The following UBE2QL1 variants were observed in gnomAD, a reference collection of about 807,000 sequenced individuals.
UBE2QL1 encodes ubiquitin conjugating enzyme E2 QL1, also known as ubiquitin-conjugating enzyme E2Q-like protein 1.
A neutral mutation model predicts 12.6 loss-of-function variants in UBE2QL1; 5 were observed. The ratio of observed to expected loss-of-function variants is 0.40; its 90% CI spans 0.21 to 0.83. The LOEUF (loss-of-function observed/expected upper bound fraction) is 0.83, where lower values mean the gene tolerates loss of function less well. UBE2QL1 is among the 40% of genes least tolerant of loss of function. The pLI, the probability that UBE2QL1 is intolerant of heterozygous loss-of-function variation, is 0.37. For synonymous variants in UBE2QL1, 96 were observed against 94.5 expected, an observed-to-expected ratio of 1.02 and a Z score of -0.10; for missense variants, 99 against 222.6, an observed-to-expected ratio of 0.44 and a Z score of 3.53.
intron 1 of UBE2QL1, among the ~76,000 whole-genome samples, chr5:6,466,882 A>G (rs1739807341): frequency 6.6e-6 from 1 of 152,164 alleles, no homozygotes; most frequent in Non-Finnish European, 1.5e-5. Context: ...TCATCATACC[A>G]TTCGCCAGAA....
At chr5:6,466,715 T>G (rs1277763378) in intron 1 of UBE2QL1, among the ~76,000 whole-genome samples, 1 of 152,240 alleles carries the variant, frequency 6.6e-6, no homozygotes. Flanking sequence ...GTCAAAAGGC[T>G]TTCTGGTGAT....
At chr5:6,474,830 G>A (rs953061076) in intron 1 of UBE2QL1, among the ~76,000 whole-genome samples, 1 of 152,174 alleles carries the variant, frequency 6.6e-6, no homozygotes, top group African/African-American at 2.4e-5. Context: ...AAGGGGCTTT[G>A]AGCACAGTCT....
At chr5:6,489,945 G>T (rs574519655) in intron 1 of UBE2QL1, among the ~76,000 whole-genome samples, 1 of 152,240 alleles carries the variant, frequency 6.6e-6, no homozygotes, top group Non-Finnish European at 1.5e-5. Context: ...GAAGTGCAGA[G>T]GGTCTGTTCA....
At chr5:6,480,719 C>G (rs1265712054) in intron 1 of UBE2QL1, among the ~76,000 whole-genome samples, 1 of 152,182 alleles carries the variant, frequency 6.6e-6, no homozygotes, top group East Asian at 1.9e-4. Flanking sequence ...TGAACTGTGC[C>G]TTTGGTGCTG....
chr5:6,470,220 A>G (rs1042401731), intron 1 of UBE2QL1, among the ~76,000 whole-genome samples: 2 of 152,208 alleles, frequency 1.3e-5, no homozygotes, highest in Non-Finnish European at 2.9e-5. Context: ...CAGGTGATCC[A>G]TGTGTGTCCA....
intron 1 of UBE2QL1, among the ~76,000 whole-genome samples, chr5:6,449,509 C>G (rs1739368909): frequency 6.7e-6 from 1 of 149,106 alleles, no homozygotes; most frequent in South Asian, 2.1e-4. Flanking sequence ...TGGTATCGGT[C>G]TCTGCCGTCT....
chr5:6,483,445 GA>G (rs36031775), intron 1 of UBE2QL1, among the ~76,000 whole-genome samples: 66,622 of 145,308 alleles, frequency 0.46, 15,416 homozygotes, highest in African/African-American at 0.57. Flanking sequence ...TCTAAAATAA[GA>G]AAAAAAAAAA....
rs1003425662 is a variant in UBE2QL1, at chr5:6,479,697, G to C, written c.355-11521G>C. Among the ~76,000 whole-genome samples the C allele has an allele frequency of 3.3e-5, 5 of 152,210 alleles. No individual in the cohort carries two copies. The highest frequency in any genetic ancestry group is 2.9e-5 in the Non-Finnish European group (2 of 68,048). On this transcript the variant is annotated intron_variant, in intron 1 of 1. Transcript: ENST00000399816. The surrounding 1 kb of genome is among the most constrained non-coding windows in gnomAD (Gnocchi z 4.2). ...TGTGCTGAGTAAGTGTTTCGGCCTT[G>C]AGAGTGGAGTGCAGCATCCTGGGTG...
intron 1 of UBE2QL1, among the ~76,000 whole-genome samples, chr5:6,475,281 T>G (rs902800972): frequency 1.3e-5 from 2 of 152,206 alleles, no homozygotes; most frequent in African/African-American, 2.4e-5. Flanking sequence ...AAAGCAGTCC[T>G]TTAGTTTTCT....
At chr5:6,473,090 C>T (rs1739950526) in intron 1 of UBE2QL1, among the ~76,000 whole-genome samples, 1 of 152,180 alleles carries the variant, frequency 6.6e-6, no homozygotes, top group African/African-American at 2.4e-5. Context: ...TGCTCAGTTC[C>T]CCAATTTTCC....
rs1328177155 is a variant in UBE2QL1 at position 6,496,293 on chromosome 5, C to T, written c.*4944C>T. On this transcript the variant is annotated 3_prime_UTR_variant, in exon 2 of 2. Coordinates refer to ENST00000399816, the MANE Select transcript of UBE2QL1 (RefSeq NM_001145161.3). ...TTTGTAGACATGCAATCGTTTTGTACCTCTAGACCTTGGGCAGTCACTGGT... is the reference window on the plus strand; with the variant it reads ...TTTGTAGACATGCAATCGTTTTGTATCTCTAGACCTTGGGCAGTCACTGGT... Among the ~76,000 whole-genome samples the T allele has an allele frequency of 6.6e-6, 1 of 152,196 alleles. No homozygotes were observed. Among genetic ancestry groups the T allele is most frequent in the African/African-American group, 2.4e-5 (1 of 41,448 alleles).
In UBE2QL1 at chr5:6,483,281, C is replaced by CA. The variant is rs892752742; in HGVS notation, c.355-7929dup. Among the ~76,000 whole-genome samples, 6 of 151,640 alleles carry CA rather than the reference C, an allele frequency of 4.0e-5. No individual in the cohort carries two copies. In the East Asian group the frequency reaches 7.7e-4, roughly 20 times the overall value. ...TGAAACCCCGTCTCTACTGAAAATA[C>CA]AAAAAAAATTAACAGGGCGTGGTGG... On this transcript the variant is annotated intron_variant, in intron 1 of 1. Coordinates refer to ENST00000399816, the MANE Select transcript of UBE2QL1 (RefSeq NM_001145161.3).
chr5:6,496,008 G>T lies in UBE2QL1; in HGVS notation c.*4659G>T, dbSNP rs918011054. Among the ~76,000 whole-genome samples, 1 of 152,208 alleles carries T rather than the reference G, an allele frequency of 6.6e-6. No homozygotes were observed. The highest frequency in any genetic ancestry group is 2.4e-5 in the African/African-American group (1 of 41,444). ...GTTCCAGAAGAAACACGGGAGCAAA[G>T]TGTGCTGGCCAAACAGCAACAATCA... On this transcript the variant is annotated 3_prime_UTR_variant, in exon 2 of 2. Coordinates refer to ENST00000399816, the MANE Select transcript of UBE2QL1 (RefSeq NM_001145161.3).
chr5:6,462,858 T>C (rs982805086), intron 1 of UBE2QL1, among the ~76,000 whole-genome samples: 3 of 152,230 alleles, frequency 2.0e-5, no homozygotes, highest in South Asian at 2.1e-4. Flanking sequence ...TTCCGGCTTC[T>C]GAACCAAGCG....
chr5:6,462,657 G>A (rs944629120), intron 1 of UBE2QL1, among the ~76,000 whole-genome samples: 19 of 152,186 alleles, frequency 1.2e-4, no homozygotes, highest in Non-Finnish European at 7.4e-5. Flanking sequence ...CGACCTATTG[G>A]AGGGCTCAAG....
chr5:6,475,334 C>T (rs2126357137), intron 1 of UBE2QL1, among the ~76,000 whole-genome samples: 1 of 152,296 alleles, frequency 6.6e-6, no homozygotes, highest in South Asian at 2.1e-4. Context: ...TTAGAATCAA[C>T]TTCCTCTCTT....
intron 1 of UBE2QL1, among the ~76,000 whole-genome samples, chr5:6,490,946 T>A (rs1332501156): frequency 6.6e-6 from 1 of 152,088 alleles, no homozygotes; most frequent in African/African-American, 2.4e-5. Flanking sequence ...ATGAGCAAGT[T>A]CAGATTCAGC....
intron 1 of UBE2QL1, among the ~76,000 whole-genome samples, chr5:6,477,673 C>T (rs1045052822): frequency 3.3e-5 from 5 of 152,284 alleles, no homozygotes; most frequent in Admixed American, 1.3e-4. Flanking sequence ...TCCAGCAGGA[C>T]GCGGGTGTGT....
chr5:6,479,184 C>T lies in UBE2QL1; in HGVS notation c.355-12034C>T, dbSNP rs180794305. Among the ~76,000 whole-genome samples, 194 of 150,620 alleles carry T rather than the reference C, an allele frequency of 1.3e-3. No homozygotes were observed. Among genetic ancestry groups the T allele is most frequent in the East Asian group, 3.2e-3 (16 of 5,056 alleles). ...AGTCCCACCTGCCGGAACAAGAGGG[C>T]GAAAGTGAGAATTAAGCCACCGAGA... On this transcript the variant is annotated intron_variant, in intron 1 of 1. Coordinates refer to ENST00000399816, the MANE Select transcript of UBE2QL1 (RefSeq NM_001145161.3). This position sits in a 1 kb window ranked among gnomAD's most constrained non-coding sequence, Gnocchi z 4.2.
Sources: allele counts gnomAD v4.1 joint callset (sites outside exome capture counted in the v4.1 genomes callset), GRCh38; gene constraint gnomAD v4.1.1; non-coding constraint Gnocchi (gnomAD v3.1); transcripts MANE v1.5; gene names NCBI Gene and HGNC (gene_info 2026-07-23, HGNC 2026-07-21).